Variants in ZNF275 observed in about 807,000 individuals in gnomAD.
ZNF275 encodes the protein zinc finger protein 275.
A neutral mutation model predicts 4.3 loss-of-function variants in ZNF275; 4 were observed. The observed-to-expected ratio is 0.93, with a 90% CI of 0.46 to 2.13. The LOEUF (loss-of-function observed/expected upper bound fraction) is 2.13. ZNF275 is among the 30% of genes most tolerant of loss of function. The pLI is 0.02. For missense variants in ZNF275, 352 were observed against 397.1 expected (o/e 0.89, Z 0.97); for synonymous variants, 173 against 166.9 (o/e 1.04, Z -0.28).
rs1175402692 is a variant in ZNF275 at position 153,351,909 on chromosome X, G to A, written c.*3934G>A. The A allele has an allele frequency of 3.6e-5, 4 of 111,762 alleles. No individual in the cohort carries two copies. Among genetic ancestry groups the A allele is most frequent in the African/African-American group, 6.5e-5 (2 of 30,633 alleles). 9.2% of individuals were successfully genotyped at this position (111,762 alleles called of 1,213,427 possible). A position where few individuals can be genotyped will look rare whatever the true frequency, so the allele number is the denominator to read the frequency against. On this transcript the variant is annotated 3_prime_UTR_variant, in exon 4 of 4. Coordinates refer to ENST00000650114, the MANE Select transcript of ZNF275 (RefSeq NM_001367757.1). ...TGCGTACCATGTGATTTGCCACCCC[G>A]CTTCTAGGCCATATTAATTCAGCCA...
At chrX:153,341,273 CT>C (rs2088478758) in intron 2 of ZNF275, among the ~76,000 whole-genome samples, 1 of 111,883 alleles carries the variant, frequency 8.9e-6, no homozygotes. Flanking sequence ...CTCTTCCATT[CT>C]TTTTTCCCCT....
In ZNF275 at chrX:153,350,201, G is replaced by T. The variant is rs1556962167; in HGVS notation, c.*2226G>T. 1 of 124,133 alleles carries T rather than the reference G, an allele frequency of 8.1e-6. No homozygotes were observed. The highest frequency in any genetic ancestry group is 1.9e-5 in the Non-Finnish European group (1 of 53,385). 10.2% of individuals were successfully genotyped at this position (124,133 alleles called of 1,213,427 possible). The stretch of plus-strand genomic sequence containing the variant: ...GGGGAAAATTCACCCATGTGTTCTG[G>T]CATCACTTCCTATAGCCACACCTAA... On this transcript the variant is annotated 3_prime_UTR_variant, in exon 4 of 4. Coordinates refer to ENST00000650114, the MANE Select transcript of ZNF275 (RefSeq NM_001367757.1).
In ZNF275 at chrX:153,347,760, C is replaced by G; in HGVS notation, c.1075C>G (p.Arg359Gly). The change falls in exon 4 of 4, where the codon CGT (arginine) becomes GGT (glycine). Residue 359 changes from arginine to glycine, a missense_variant. Physicochemically the swap from Arg to Gly is moderately radical, Grantham distance 125. Coordinates refer to ENST00000650114, the MANE Select transcript of ZNF275 (RefSeq NM_001367757.1). ...ATGCGGCGAGTGTGGCAAGGCCTTC[C>G]GTGGGCCCTCTGACCTCATCAAGCA... Reference protein sequence around the residue: ...YACGECGKAFRGPSDLIKHRR... With the variant: ...YACGECGKAFGGPSDLIKHRR... 1 of 1,208,810 alleles carries G rather than the reference C, an allele frequency of 8.3e-7. No individual in the cohort carries two copies. The highest frequency in any genetic ancestry group is 1.1e-6 in the Non-Finnish European group (1 of 893,679).
chrX:153,352,847 C>A lies in ZNF275; in HGVS notation c.*4872C>A, dbSNP rs1166276412. On this transcript the variant is annotated 3_prime_UTR_variant, in exon 4 of 4. Transcript: ENST00000650114. ...GTGAGCTCTTAGAAGACAGGGGTGG[C>A]CTTTCATGTCTGATCCCCTACCAAA... 1 of 111,170 alleles carries A rather than the reference C, an allele frequency of 9.0e-6. No individual in the cohort carries two copies. The highest frequency in any genetic ancestry group is 3.3e-5 in the African/African-American group (1 of 30,458). The allele number at this position is 111,170 out of a possible 1,213,427, so 9.2% of individuals were successfully genotyped here.
In ZNF275 at chrX:153,349,542, A is replaced by G. The variant is rs782792499; in HGVS notation, c.*1567A>G. 1.8e-3 allele frequency: 227 copies of G among 123,432 alleles called. No homozygotes were observed. Among genetic ancestry groups the G allele is most frequent in the Middle Eastern group, 4.6e-3 (1 of 217 alleles). 10.2% of individuals were successfully genotyped at this position (123,432 alleles called of 1,213,427 possible). A position where few individuals can be genotyped will look rare whatever the true frequency, so the allele number is the denominator to read the frequency against. On this transcript the variant is annotated 3_prime_UTR_variant, in exon 4 of 4. Coordinates refer to ENST00000650114, the MANE Select transcript of ZNF275 (RefSeq NM_001367757.1). ...TGGTGATGTTCTCTTTTCCAATTTTATTGCTTTGCTTTTTGTAGCAGTTTT... is the reference window on the plus strand; with the variant it reads ...TGGTGATGTTCTCTTTTCCAATTTTGTTGCTTTGCTTTTTGTAGCAGTTTT...
intron 2 of ZNF275, among the ~76,000 whole-genome samples, chrX:153,343,217 CT>C (rs201000799): frequency 0.018 from 2,080 of 112,761 alleles, 60 homozygotes; most frequent in African/African-American, 0.064. Flanking sequence ...TCTGTCCATT[CT>C]TTTTCACATA....
At chrX:153,342,760 C>T (rs2088486950) in intron 2 of ZNF275, among the ~76,000 whole-genome samples, 1 of 112,405 alleles carries the variant, frequency 8.9e-6, no homozygotes, top group African/African-American at 3.2e-5. Flanking sequence ...TCACCCTTTT[C>T]CTGGGCTTTT....
At position 153,352,314 on chromosome X, in the gene ZNF275, T is replaced by C. The variant is rs907724228; in HGVS notation, c.*4339T>C. 5 of 112,136 alleles carry C rather than the reference T, an allele frequency of 4.5e-5. No homozygotes were observed. Among genetic ancestry groups the C allele is most frequent in the Admixed American group, 9.4e-5 (1 of 10,651 alleles). The allele number at this position is 112,136 out of a possible 1,213,427, so 9.2% of individuals were successfully genotyped here. Reference sequence around the variant, plus strand: ...CTGCATGAACACCTGTTCAAACGTGTGTTCTCTGTTCTCTAAGATGGGTGA... The same window carrying C: ...CTGCATGAACACCTGTTCAAACGTGCGTTCTCTGTTCTCTAAGATGGGTGA... On this transcript the variant is annotated 3_prime_UTR_variant, in exon 4 of 4. Coordinates refer to ENST00000650114, the MANE Select transcript of ZNF275 (RefSeq NM_001367757.1).
rs370907411 is a variant in ZNF275 at position 153,347,637 on chromosome X, G to A, written c.952G>A (p.Glu318Lys). The A allele has an allele frequency of 4.2e-6, 5 of 1,202,512 alleles. No homozygotes were observed. The African/African-American group carries it at 7.0e-5, about 17-fold the overall frequency. ...CAAGCACCGGCGGATCCACACGGGC[G>A]AGAAGCCCTACGCCTGCGGCCAGTG... ...LTKHRRIHTG[E>K]KPYACGQCGK... is the part of the protein sequence containing the mutation. The change falls in exon 4 of 4, where the codon GAG becomes AAG. Residue 318 changes from glutamate (E) to lysine (K), a missense_variant. Physicochemically the swap from Glu to Lys is moderately conservative, Grantham distance 56 (BLOSUM62 1). Coordinates refer to ENST00000650114, the MANE Select transcript of ZNF275 (RefSeq NM_001367757.1).
At position 153,351,587 on chromosome X, in the gene ZNF275, A is replaced by G. The variant is rs554575135; in HGVS notation, c.*3612A>G. The G allele has an allele frequency of 3.5e-3, 378 of 107,403 alleles. 1 individual carries two copies. The highest frequency in any genetic ancestry group is 0.012 in the African/African-American group (350 of 28,656). The allele number at this position is 107,403 out of a possible 1,213,427, so 8.9% of individuals were successfully genotyped here. ...ATTAACTGCCTGGCATGGAAAAAGA[A>G]AAAAAAAAAAGAAATATGTTCTTTT... On this transcript the variant is annotated 3_prime_UTR_variant, in exon 4 of 4. Transcript: ENST00000650114.
rs2088542769 is a variant in ZNF275, at chrX:153,349,432, G to A, written c.*1457G>A. 1 of 123,969 alleles carries A rather than the reference G, an allele frequency of 8.1e-6. No homozygotes were observed. The highest frequency in any genetic ancestry group is 9.3e-5 in the Admixed American group (1 of 10,702). The allele number at this position is 123,969 out of a possible 1,213,427, so 10.2% of individuals were successfully genotyped here. On this transcript the variant is annotated 3_prime_UTR_variant, in exon 4 of 4. Coordinates refer to ENST00000650114, the MANE Select transcript of ZNF275 (RefSeq NM_001367757.1). ...TAAATGGTGTTTCTGTTTTTTGCATGCAAATGGTCCGTTCATCTCCTTTGA... is the reference window on the plus strand; with the variant it reads ...TAAATGGTGTTTCTGTTTTTTGCATACAAATGGTCCGTTCATCTCCTTTGA...
At chrX:153,341,499 G>C (rs2088480093) in intron 2 of ZNF275, among the ~76,000 whole-genome samples, 1 of 112,061 alleles carries the variant, frequency 8.9e-6, no homozygotes, top group East Asian at 2.8e-4. Context: ...GTGGGTAAAA[G>C]CATTGTATAT....
In ZNF275 at chrX:153,349,792, G is replaced by A. The variant is rs782688521; in HGVS notation, c.*1817G>A. 47 of 123,533 alleles carry A rather than the reference G, an allele frequency of 3.8e-4. No individual in the cohort carries two copies. Among genetic ancestry groups the A allele is most frequent in the Non-Finnish European group, 6.6e-4 (35 of 53,245 alleles). 10.2% of individuals were successfully genotyped at this position (123,533 alleles called of 1,213,427 possible). On this transcript the variant is annotated 3_prime_UTR_variant, in exon 4 of 4. Transcript: ENST00000650114. ...AGAGAAGCAGGCTCTTTCCTCATCC[G>A]AGATGCGGACTCCCTGTCTATCTGT...
intron 2 of ZNF275, chrX:153,343,580 T>C (rs1330087584): frequency 2.1e-5 from 6 of 282,486 alleles, no homozygotes; most frequent in Non-Finnish European, 3.4e-5. Context: ...GTTAGAGAAC[T>C]GCTGTCATGT....
Position 153,345,549 on chromosome X carries a change from C to A in ZNF275, c.61C>A (p.Pro21Thr), listed in dbSNP as rs1556961450. The change falls in exon 3 of 4, where the codon CCT (proline) becomes ACT (threonine). Residue 21 changes from proline (P) to threonine (T), a missense_variant. Pro to Thr is a conservative substitution (Grantham distance 38, BLOSUM62 -1). Coordinates refer to ENST00000650114, the MANE Select transcript of ZNF275 (RefSeq NM_001367757.1). ...TCCTGTTTTAAATCCTGCCTTGGTC[C>A]CTCACCTGGCACAAGGACAAGTGCT... ...GVPVLNPALVPHLAQGQVLLV... is the reference protein window; with the variant it reads ...GVPVLNPALVTHLAQGQVLLV... 8.3e-7 allele frequency: 1 copy of A among 1,210,889 alleles called. No individual in the cohort carries two copies. Among genetic ancestry groups the A allele is most frequent in the Admixed American group, 2.2e-5 (1 of 46,123 alleles).
Position 153,350,483 on chromosome X carries a change from A to C in ZNF275, c.*2508A>C, listed in dbSNP as rs1380593966. The stretch of plus-strand genomic sequence containing the variant: ...CCCAAGAGGAACAGCAGCAAGGGCT[A>C]GCGAGGAACCTGCCCCTCCAGTGGC... On this transcript the variant is annotated 3_prime_UTR_variant, in exon 4 of 4. Transcript: ENST00000650114. 1 of 123,952 alleles carries C rather than the reference A, an allele frequency of 8.1e-6. No homozygotes were observed. The highest frequency in any genetic ancestry group is 1.9e-5 in the Non-Finnish European group (1 of 53,319). The allele number at this position is 123,952 out of a possible 1,213,427, so 10.2% of individuals were successfully genotyped here. A position where few individuals can be genotyped will look rare whatever the true frequency, so the allele number is the denominator to read the frequency against.
chrX:153,346,899 G>A lies in ZNF275; in HGVS notation c.214G>A (p.Ala72Thr). Residue 72 changes from alanine to threonine, a missense_variant, in exon 4 of 4, where the codon GCC becomes ACC. Ala to Thr is a moderately conservative substitution (Grantham distance 58). Coordinates refer to ENST00000650114, the MANE Select transcript of ZNF275 (RefSeq NM_001367757.1). The stretch of plus-strand genomic sequence containing the variant: ...GATGGCGTCCACAAGCTTCCCAAGG[G>A]CCAGTGGTCCCAGTCCTGAATTCAG... The part of the protein sequence containing the change: ...QEMASTSFPR[A>T]SGPSPEFRQH... 1.7e-6 allele frequency: 2 copies of A among 1,211,036 alleles called. No homozygotes were observed. Among genetic ancestry groups the A allele is most frequent in the South Asian group, 3.5e-5 (2 of 56,960 alleles).
chrX:153,337,812 AAAG>A, intron 2 of ZNF275, among the ~76,000 whole-genome samples: 1 of 111,958 alleles, frequency 8.9e-6, no homozygotes, highest in Non-Finnish European at 1.9e-5. Context: ...GATCCCATTG[AAAG>A]AAGGAGAGTA....
intron 1 of ZNF275, among the ~76,000 whole-genome samples, chrX:153,335,019 TG>T (rs1433556976): frequency 1.8e-5 from 2 of 111,084 alleles, no homozygotes; most frequent in Admixed American, 9.4e-5. Flanking sequence ...GTCGCCCTAC[TG>T]GGGGCCGCCA....
Sources: allele counts gnomAD v4.1 joint callset (sites outside exome capture counted in the v4.1 genomes callset), GRCh38; gene constraint gnomAD v4.1.1; transcripts MANE v1.5; gene names NCBI Gene and HGNC (gene_info 2026-07-23, HGNC 2026-07-21).